The following COL24A1 variants were observed in gnomAD, a reference collection of about 807,000 sequenced individuals.
COL24A1 encodes collagen type XXIV alpha 1 chain.
In COL24A1, 224 loss-of-function variants were observed where a neutral mutation model predicts 253.9. The ratio of observed to expected loss-of-function variants is 0.88; its 90% CI spans 0.79 to 0.99. COL24A1 has a LOEUF of 0.99. Ranked by LOEUF, COL24A1 falls within the 50% of genes least tolerant of loss-of-function variation. The pLI, the probability that COL24A1 is intolerant of heterozygous loss-of-function variation, is 0.00. For missense variants in COL24A1, 2,131 were observed against 2,068.5 expected, an observed-to-expected ratio of 1.03 and a Z score of -0.59; for synonymous variants, 685 against 673.7, an observed-to-expected ratio of 1.02 and a Z score of -0.26.
intron 47 of COL24A1, among the ~76,000 whole-genome samples, chr1:85,805,891 T>C (rs1305128867): frequency 2.6e-5 from 4 of 151,890 alleles, no homozygotes; most frequent in Non-Finnish European, 4.4e-5. Flanking sequence ...CTGGCGAACA[T>C]AGTGAAACCC....
intron 19 of COL24A1, among the ~76,000 whole-genome samples, chr1:85,999,082 G>A (rs1057137412): frequency 6.6e-6 from 1 of 152,158 alleles, no homozygotes; most frequent in African/African-American, 2.4e-5. Flanking sequence ...GCTTTCTGGA[G>A]GAGGAAGTAT....
intron 47 of COL24A1, among the ~76,000 whole-genome samples, chr1:85,787,448 T>G (rs1369155160): frequency 1.3e-5 from 2 of 152,176 alleles, no homozygotes; most frequent in African/African-American, 4.8e-5. Context: ...CTCCCACTTA[T>G]AAGACCATGA....
At chr1:86,027,887 C>G (rs909077402) in intron 14 of COL24A1, among the ~76,000 whole-genome samples, 11 of 152,204 alleles carry the variant, frequency 7.2e-5, no homozygotes, top group South Asian at 6.2e-4. Context: ...TTTAAAGCTA[C>G]AGGGTGGTGC....
chr1:86,104,478 G>A (rs1205364582), intron 5 of COL24A1, among the ~76,000 whole-genome samples: 1 of 152,196 alleles, frequency 6.6e-6, no homozygotes, highest in African/African-American at 2.4e-5. Context: ...CAGAGTTCTT[G>A]TACTGGTTCT....
At chr1:85,936,421 C>T (rs761074697) in intron 24 of COL24A1, among the ~76,000 whole-genome samples, 6 of 147,274 alleles carry the variant, frequency 4.1e-5, no homozygotes, top group Non-Finnish European at 6.0e-5. Context: ...CTGATATAGG[C>T]AGAAGGGACT....
At position 85,761,529 on chromosome 1, in the gene COL24A1, A is replaced by ACTG; in HGVS notation, c.4409_4410+1dup. 6.2e-7 allele frequency: 1 copy of ACTG among 1,614,080 alleles called. No individual in the cohort carries two copies. The highest frequency in any genetic ancestry group is 2.2e-5 in the East Asian group (1 of 44,872). ...AACAGATATAAATGAAAACCAACTCACTGGAGGCCCTGGTTGACCTCTTGG... is the reference window on the plus strand; with the variant it reads ...AACAGATATAAATGAAAACCAACTCACTGCTGGAGGCCCTGGTTGACCTCTTGG... On this transcript the variant is annotated splice_donor_variant, in intron 54 of 59. Transcript: ENST00000370571. LOFTEE classifies it high-confidence loss of function.
chr1:85,925,685 A>G (rs1413062356), intron 24 of COL24A1, among the ~76,000 whole-genome samples: 1 of 152,248 alleles, frequency 6.6e-6, no homozygotes, highest in Non-Finnish European at 1.5e-5. Flanking sequence ...AGATGGATTA[A>G]AGACCTAAAT....
chr1:85,830,120 T>G (rs1405801957), intron 43 of COL24A1, among the ~76,000 whole-genome samples: 3 of 150,364 alleles, frequency 2.0e-5, no homozygotes, highest in Admixed American at 6.7e-5. Flanking sequence ...GTCCTTTCTG[T>G]TTGTTAGTTT....
chr1:85,823,952 C>CT (rs567357897), intron 43 of COL24A1, among the ~76,000 whole-genome samples: 49 of 150,668 alleles, frequency 3.3e-4, no homozygotes, highest in African/African-American at 4.9e-4. Context: ...TTCTTTCTTT[C>CT]TTTTTTTTTA....
chr1:85,823,696 G>A lies in COL24A1; in HGVS notation c.3724C>T (p.Gln1242Ter). 6.2e-7 allele frequency: 1 copy of A among 1,613,794 alleles called. No individual in the cohort carries two copies. The highest frequency in any genetic ancestry group is 2.2e-5 in the East Asian group (1 of 44,852). Residue 1242 changes from glutamine to a stop codon, truncating the protein, a stop_gained, in exon 44 of 60, where the codon CAA becomes TAA. Coordinates refer to ENST00000370571, the MANE Select transcript of COL24A1 (RefSeq NM_152890.7). LOFTEE classifies it high-confidence loss of function. Reference protein sequence around the residue: ...VPGLRGATGQQGPPGEPGDQG... With the variant: ...VPGLRGATGQ ...CTTTCAAAACATACTGGGGGTCCTT[G>A]TTGTCCAGTGGCACCTCTTAGTCCT... is the stretch of plus-strand genomic sequence containing the variant.
chr1:86,036,403 C>A (rs1012423733), intron 12 of COL24A1, among the ~76,000 whole-genome samples: 1 of 151,902 alleles, frequency 6.6e-6, no homozygotes, highest in East Asian at 1.9e-4. Context: ...CATGTATTAT[C>A]AATTTTTGAA....
At chr1:86,024,559 T>C (rs1031902647) in intron 14 of COL24A1, among the ~76,000 whole-genome samples, 5 of 152,158 alleles carry the variant, frequency 3.3e-5, no homozygotes, top group Non-Finnish European at 7.4e-5. Flanking sequence ...CTAAGATAAA[T>C]TATTTCTAAC....
At chr1:85,824,713 A>C (rs982311747) in intron 43 of COL24A1, among the ~76,000 whole-genome samples, 1 of 152,112 alleles carries the variant, frequency 6.6e-6, no homozygotes, top group African/African-American at 2.4e-5. Flanking sequence ...AACAACCCAG[A>C]AGCGTGTCAG....
At chr1:86,147,097 C>T (rs1022055152) in intron 1 of COL24A1, among the ~76,000 whole-genome samples, 4 of 152,114 alleles carry the variant, frequency 2.6e-5, no homozygotes, top group African/African-American at 7.2e-5. Flanking sequence ...AATGCAGTTC[C>T]GCAAGGAGTG....
At chr1:85,910,922 A>C (rs968979946) in intron 25 of COL24A1, among the ~76,000 whole-genome samples, 1 of 151,830 alleles carries the variant, frequency 6.6e-6, no homozygotes. Flanking sequence ...TGAGTCCAAC[A>C]GTTTGGTTTT....
At chr1:86,123,865 C>G (rs1366064927) in intron 3 of COL24A1, among the ~76,000 whole-genome samples, 1 of 151,832 alleles carries the variant, frequency 6.6e-6, no homozygotes, top group African/African-American at 2.4e-5. Context: ...AAAGGAAACA[C>G]AAGCTAAAAG....
chr1:86,031,364 C>T (rs1410427543), intron 14 of COL24A1, among the ~76,000 whole-genome samples: 1 of 151,800 alleles, frequency 6.6e-6, no homozygotes, highest in Non-Finnish European at 1.5e-5. Flanking sequence ...AACAGTTGAT[C>T]ACAGATTTCA....
chr1:85,968,255 C>G (rs1691767717), intron 22 of COL24A1, among the ~76,000 whole-genome samples: 1 of 152,118 alleles, frequency 6.6e-6, no homozygotes, highest in Admixed American at 6.6e-5. Flanking sequence ...AGAACCTAGA[C>G]TAATACAAGT....
At chr1:85,831,141 T>C (rs1675228349) in intron 43 of COL24A1, among the ~76,000 whole-genome samples, 2 of 152,010 alleles carry the variant, frequency 1.3e-5, no homozygotes, top group Admixed American at 6.6e-5. Flanking sequence ...GGAAAAACCA[T>C]GATCACACAC....
Sources: gnomAD v4.1 joint callset for allele counts (sites outside exome capture counted in the v4.1 genomes callset) on GRCh38, gnomAD v4.1.1 for gene constraint, MANE v1.5 for transcripts, NCBI Gene and HGNC (gene_info 2026-07-23, HGNC 2026-07-21) for gene names.